Variants in TRAM2 observed in about 807,000 individuals in gnomAD.
The protein encoded by TRAM2 is translocating chain-associated membrane protein 2.
TRAM2 carries 12 observed loss-of-function variants against 51.0 expected under a neutral mutation model. The ratio of observed to expected loss-of-function variants is 0.24; its 90% CI spans 0.15 to 0.38. The LOEUF (loss-of-function observed/expected upper bound fraction) is 0.38. TRAM2 is among the 10% of genes least tolerant of loss of function. The pLI is 1.00. For missense variants in TRAM2, 361 were observed against 462.0 expected, an observed-to-expected ratio of 0.78 and a Z score of 2.00; for synonymous variants, 175 against 179.4, an observed-to-expected ratio of 0.98 and a Z score of 0.20.
chr6:52,560,401 A>T (rs1435716359), intron 1 of TRAM2, among the ~76,000 whole-genome samples: 1 of 152,206 alleles, frequency 6.6e-6, no homozygotes, highest in Admixed American at 6.5e-5. Flanking sequence ...AGTTTCTTTA[A>T]TTAAAATAGG....
At chr6:52,574,086 A>G (rs1581706470) in intron 1 of TRAM2, among the ~76,000 whole-genome samples, 1 of 152,100 alleles carries the variant, frequency 6.6e-6, no homozygotes, top group African/African-American at 2.4e-5. Context: ...TTCTAGGAAA[A>G]GGGTGGTGAG....
intron 6 of TRAM2, 40 bp from the exon 7 acceptor site, chr6:52,507,663 CT>C: frequency 6.2e-7 from 1 of 1,602,428 alleles, no homozygotes; most frequent in Non-Finnish European, 8.5e-7. Flanking sequence ...TGCTAATTCC[CT>C]AACTGAAGAT....
chr6:52,554,814 T>C (rs1008332622), intron 1 of TRAM2, among the ~76,000 whole-genome samples: 4 of 149,672 alleles, frequency 2.7e-5, no homozygotes, highest in African/African-American at 9.9e-5. Flanking sequence ...TGGGCCAGGC[T>C]GGAGTGCAGT....
intron 10 of TRAM2, among the ~76,000 whole-genome samples, chr6:52,504,233 C>T (rs1581866137): frequency 6.6e-6 from 1 of 152,218 alleles, no homozygotes; most frequent in African/African-American, 2.4e-5. Context: ...GGACAGAGGC[C>T]GCCGTCCGGC....
intron 2 of TRAM2, among the ~76,000 whole-genome samples, chr6:52,530,088 T>C (rs1766858265): frequency 6.6e-6 from 1 of 152,250 alleles, no homozygotes; most frequent in African/African-American, 2.4e-5. Context: ...TGCTATCTCA[T>C]ACATAATTTG....
intron 1 of TRAM2, among the ~76,000 whole-genome samples, chr6:52,569,388 T>TAAAA (rs11331630): frequency 7.3e-6 from 1 of 136,122 alleles, no homozygotes. Context: ...AGACTCCATT[T>TAAAA]AAAAAAAAAA....
At chr6:52,569,026 T>C (rs1327983331) in intron 1 of TRAM2, among the ~76,000 whole-genome samples, 1 of 152,164 alleles carries the variant, frequency 6.6e-6, no homozygotes, top group South Asian at 2.1e-4. Context: ...TAAGAAACCA[T>C]ATGGAAGAGT....
intron 1 of TRAM2, among the ~76,000 whole-genome samples, chr6:52,542,181 G>A (rs950087476): frequency 4.6e-5 from 7 of 151,958 alleles, no homozygotes; most frequent in South Asian, 2.1e-4. Flanking sequence ...ATCTTTCTGC[G>A]GAGGAAGTGA....
rs965899431 is a variant in TRAM2, at chr6:52,537,859, C to T, written c.121-2013G>A. 6.7e-4 allele frequency among the ~76,000 whole-genome samples: 102 copies of T among 152,278 alleles called. 1 individual carries two copies. Among genetic ancestry groups the T allele is most frequent in the African/African-American group, 2.3e-3 (96 of 41,542 alleles). On this transcript the variant is annotated intron_variant, in intron 1 of 10. Transcript: ENST00000182527. ...CAGCTTCACTCAGCTGTACTTATTC[C>T]CCCTCTGTCGTGGGAGCTGCCCCCA...
intron 4 of TRAM2, among the ~76,000 whole-genome samples, chr6:52,514,271 AC>A (rs1442594323): frequency 6.6e-6 from 1 of 152,196 alleles, no homozygotes; most frequent in Non-Finnish European, 1.5e-5. Context: ...TTTTAAAAAA[AC>A]AAGCTGTTTT....
chr6:52,559,928 C>G (rs988455882), intron 1 of TRAM2, among the ~76,000 whole-genome samples: 1 of 152,102 alleles, frequency 6.6e-6, no homozygotes, highest in Non-Finnish European at 1.5e-5. Context: ...TACACACCTA[C>G]TGTAAGAAAA....
At chr6:52,535,975 C>T in intron 1 of TRAM2, 129 bp from the exon 2 acceptor site, 2 of 679,730 alleles carry the variant, frequency 2.9e-6, no homozygotes, top group Non-Finnish European at 4.9e-6. Context: ...CTGCCTAATG[C>T]AGAGTTAGCA....
chr6:52,532,088 T>C (rs80356214), intron 2 of TRAM2, among the ~76,000 whole-genome samples: 2,526 of 152,286 alleles, frequency 0.017, 72 homozygotes, highest in African/African-American at 0.057. Flanking sequence ...AGCTCTAGAG[T>C]GTGCTGTCTA....
chr6:52,554,553 C>T lies in TRAM2; in HGVS notation c.121-18707G>A, dbSNP rs550461990. ...AAAAAAAAAAAGAAAGAAAGAAAAC[C>T]AAAGTGAACAGATCTCACCCAAACC... is the stretch of plus-strand genomic sequence containing the variant. On this transcript the variant is annotated intron_variant, in intron 1 of 10. Coordinates refer to ENST00000182527, the MANE Select transcript of TRAM2 (RefSeq NM_012288.4). Among the ~76,000 whole-genome samples, 47 of 150,074 alleles carry T rather than the reference C, an allele frequency of 3.1e-4. No homozygotes were observed. In the South Asian group the frequency reaches 9.9e-3, roughly 32 times the overall value.
Position 52,505,654 on chromosome 6 carries a change from T to A in TRAM2, c.820A>T (p.Met274Leu), listed in dbSNP as rs200739725. 3 of 1,613,682 alleles carry A rather than the reference T, an allele frequency of 1.9e-6. No homozygotes were observed. Among genetic ancestry groups the A allele is most frequent in the Non-Finnish European group, 2.5e-6 (3 of 1,179,690 alleles). Reference sequence around the variant, plus strand: ...TCGGGATCAAATGCCTGGTTTTCCATGCGAGCCAGTCCAAAGCCAATGGCC... The same window carrying A: ...TCGGGATCAAATGCCTGGTTTTCCAAGCGAGCCAGTCCAAAGCCAATGGCC... ...VLAIGFGLAR[M>L]ENQAFDPEKG... Residue 274 changes from methionine (M) to leucine (L), a missense_variant, in exon 9 of 11, where the codon ATG (methionine) becomes TTG (leucine). Met to Leu is a conservative substitution (Grantham distance 15, BLOSUM62 2). Transcript: ENST00000182527.
intron 4 of TRAM2, among the ~76,000 whole-genome samples, chr6:52,513,799 T>C (rs1766494008): frequency 6.6e-6 from 1 of 152,122 alleles, no homozygotes; most frequent in Admixed American, 6.5e-5. Flanking sequence ...GAATGTATGG[T>C]TTTATTTCTG....
At chr6:52,552,100 T>C (rs1233833765) in intron 1 of TRAM2, among the ~76,000 whole-genome samples, 2 of 152,260 alleles carry the variant, frequency 1.3e-5, no homozygotes, top group East Asian at 1.9e-4. Context: ...AAGCAGGCCC[T>C]GGGCCACATT....
chr6:52,519,217 C>A (rs78409952), intron 2 of TRAM2, among the ~76,000 whole-genome samples: 1 of 152,042 alleles, frequency 6.6e-6, no homozygotes, highest in Non-Finnish European at 1.5e-5. Flanking sequence ...TGGAGCTTAG[C>A]GGGTACACAC....
chr6:52,526,207 A>G lies in TRAM2; in HGVS notation c.185-9470T>C, dbSNP rs111755094. ...CACACACACACACACACACACACAC[A>G]CGCCAGAGAATTAAAGATCTGACAG... On this transcript the variant is annotated intron_variant, in intron 2 of 10. Coordinates refer to ENST00000182527, the MANE Select transcript of TRAM2 (RefSeq NM_012288.4). 6.8e-3 allele frequency among the ~76,000 whole-genome samples: 1,008 copies of G among 148,590 alleles called. 10 individuals are homozygous for G. The highest frequency in any genetic ancestry group is 0.024 in the African/African-American group (954 of 40,032).
Sources: allele counts gnomAD v4.1 joint callset (sites outside exome capture counted in the v4.1 genomes callset), GRCh38; gene constraint gnomAD v4.1.1; transcripts MANE v1.5; gene names NCBI Gene and HGNC (gene_info 2026-07-23, HGNC 2026-07-21).